The following TJP2 variants were observed in gnomAD, a reference collection of about 807,000 sequenced individuals.
The protein encoded by TJP2 is tight junction protein 2, also known as Friedreich ataxia region gene X104 (tight junction protein ZO-2).
A neutral mutation model predicts 133.1 loss-of-function variants in TJP2; 91 were observed. The observed-to-expected ratio is 0.68, with a 90% CI of 0.58 to 0.81. The LOEUF is 0.81. Ranked by LOEUF, TJP2 falls within the 40% of genes least tolerant of loss-of-function variation. The probability of loss-of-function intolerance (pLI) is 0.00; values close to 1 mark genes in which losing one functional copy is unlikely to be tolerated. For synonymous variants in TJP2, 592 were observed against 583.4 expected (o/e 1.01, Z -0.21); for missense variants, 1,541 against 1,565.6 (o/e 0.98, Z 0.26).
intron 1 of TJP2, among the ~76,000 whole-genome samples, chr9:69,147,784 T>C (rs1350783619): frequency 6.6e-6 from 1 of 152,214 alleles, no homozygotes; most frequent in Non-Finnish European, 1.5e-5. Context: ...GGAAGTTGAA[T>C]GTGCCTTTTT....
chr9:69,142,712 G>A (rs938461264), intron 1 of TJP2, among the ~76,000 whole-genome samples: 3 of 152,172 alleles, frequency 2.0e-5, no homozygotes, highest in Non-Finnish European at 4.4e-5. Context: ...AAATAAAGTA[G>A]AAATATTAGT....
chr9:69,196,943 G>A (rs376942906), intron 1 of TJP2, among the ~76,000 whole-genome samples: 48 of 36,378 alleles, frequency 1.3e-3, no homozygotes, highest in South Asian at 9.5e-4. Flanking sequence ...GTGTGTGTGT[G>A]TGTACACACA....
chr9:69,251,792 T>C (rs1267803962), intron 21 of TJP2, among the ~76,000 whole-genome samples: 1 of 152,218 alleles, frequency 6.6e-6, no homozygotes, highest in African/African-American at 2.4e-5. Context: ...TGAATTTGTA[T>C]ACCATATGCA....
At chr9:69,249,544 C>G (rs1022022659) in intron 20 of TJP2, 59 bp downstream of exon 20, 1 of 1,556,792 alleles carries the variant, frequency 6.4e-7, no homozygotes, top group African/African-American at 1.4e-5. Flanking sequence ...TCTGAAGCCT[C>G]CTGGACGGCC....
intron 2 of TJP2, among the ~76,000 whole-genome samples, chr9:69,167,865 CAAAAAAA>C (rs33986127): frequency 1.6e-5 from 2 of 128,962 alleles, no homozygotes; most frequent in East Asian, 2.3e-4. Context: ...GAGAGTCTGT[CAAAAAAA>C]AAAAAAAAAA....
chr9:69,173,692 G>A (rs1179901318), upstream of TJP2, among the ~76,000 whole-genome samples: 2 of 152,192 alleles, frequency 1.3e-5, no homozygotes, highest in African/African-American at 4.8e-5. Flanking sequence ...CCTCTAGACA[G>A]GACCTAAAAC....
intron 20 of TJP2, 122 bp downstream of exon 20, chr9:69,249,607 T>G: frequency 5.8e-6 from 9 of 1,541,118 alleles, no homozygotes; most frequent in Non-Finnish European, 7.9e-6. Flanking sequence ...TGACTCACTG[T>G]GTTCTCTATT....
At chr9:69,195,233 A>G (rs955863489) in intron 1 of TJP2, among the ~76,000 whole-genome samples, 10 of 152,184 alleles carry the variant, frequency 6.6e-5, no homozygotes, top group African/African-American at 1.7e-4. Flanking sequence ...TTTTAGTGTT[A>G]TATAAGTTTA....
chr9:69,224,940 C>T (rs893880577), intron 5 of TJP2, among the ~76,000 whole-genome samples: 5 of 152,032 alleles, frequency 3.3e-5, no homozygotes, highest in Admixed American at 1.3e-4. Context: ...CATCAGTCAC[C>T]GTAATACCAT....
upstream of TJP2, among the ~76,000 whole-genome samples, chr9:69,172,550 C>A (rs184208124): frequency 2.8e-3 from 420 of 152,200 alleles, no homozygotes; most frequent in African/African-American, 9.7e-3. Context: ...TTGAACAGTG[C>A]CGCTCTAGAG....
chr9:69,225,527 T>C, intron 6 of TJP2, 120 bp downstream of exon 6: 1 of 735,960 alleles, frequency 1.4e-6, no homozygotes, highest in Non-Finnish European at 2.4e-6. Context: ...AAGACAGAGG[T>C]GGCAAGAGCA....
chr9:69,131,042 C>T (rs536739363), intron 1 of TJP2, among the ~76,000 whole-genome samples: 24 of 152,300 alleles, frequency 1.6e-4, no homozygotes, highest in Non-Finnish European at 1.5e-5. Context: ...GTGGACTTTC[C>T]TGTAAGAAAG....
intron 1 of TJP2, among the ~76,000 whole-genome samples, chr9:69,204,264 C>T (rs1373916600): frequency 6.6e-6 from 1 of 152,212 alleles, no homozygotes; most frequent in African/African-American, 2.4e-5. Context: ...ATATACATCT[C>T]AGCCTCAAAT....
chr9:69,218,392 A>C, intron 4 of TJP2, 33 bp downstream of exon 4: 2 of 1,585,298 alleles, frequency 1.3e-6, no homozygotes, highest in African/African-American at 1.3e-5. Context: ...GCTTGCCTTA[A>C]TAGCATTTTG....
At chr9:69,237,263 T>G (rs1477880068) in intron 14 of TJP2, 127 bp downstream of exon 14, 3 of 1,162,934 alleles carry the variant, frequency 2.6e-6, no homozygotes, top group Admixed American at 1.9e-5. Flanking sequence ...GTTTATAGAG[T>G]TGAAATCAAA....
At chr9:69,147,051 T>G (rs953153191) in intron 1 of TJP2, among the ~76,000 whole-genome samples, 5 of 152,146 alleles carry the variant, frequency 3.3e-5, no homozygotes, top group Non-Finnish European at 7.3e-5. Context: ...AATGGAAGTG[T>G]GTATATGCGT....
intron 1 of TJP2, among the ~76,000 whole-genome samples, chr9:69,176,933 A>G (rs1165606592): frequency 2.0e-5 from 3 of 151,956 alleles, no homozygotes; most frequent in South Asian, 4.1e-4. Context: ...AAAGTCATGC[A>G]GACTTGGTTG....
At position 69,248,007 on chromosome 9, in the gene TJP2, T is replaced by C. The variant is rs1333439345; in HGVS notation, c.2668-5T>C. ...CCACTGACCGTCCAACACAAATTCCTCTAGATGGAAGGGATGGATGATGAC... is the reference window on the plus strand; with the variant it reads ...CCACTGACCGTCCAACACAAATTCCCCTAGATGGAAGGGATGGATGATGAC... On this transcript the variant is annotated splice_region_variant and splice_polypyrimidine_tract_variant and intron_variant, in intron 18 of 22. Coordinates refer to ENST00000377245, the MANE Select transcript of TJP2 (RefSeq NM_004817.4). 1.3e-6 allele frequency: 2 copies of C among 1,593,446 alleles called. No individual in the cohort carries two copies. Among genetic ancestry groups the C allele is most frequent in the Non-Finnish European group, 1.7e-6 (2 of 1,167,626 alleles).
intron 2 of TJP2, among the ~76,000 whole-genome samples, chr9:69,162,039 C>G (rs1420927427): frequency 6.7e-6 from 1 of 148,860 alleles, no homozygotes; most frequent in Non-Finnish European, 1.5e-5. Context: ...AGCAAAAACT[C>G]CATCTCAAAT....
Sources: allele counts gnomAD v4.1 joint callset (sites outside exome capture counted in the v4.1 genomes callset), GRCh38; gene constraint gnomAD v4.1.1; transcripts MANE v1.5; gene names NCBI Gene and HGNC (gene_info 2026-07-23, HGNC 2026-07-21).